TXLNB: variants seen among roughly 807,000 people sequenced by gnomAD.
TXLNB encodes beta-taxilin.
In TXLNB, 37 loss-of-function variants were observed where a neutral mutation model predicts 57.4. That is an observed-to-expected ratio of 0.64 (90% CI 0.50 to 0.85). TXLNB has a LOEUF of 0.85. Ranked by LOEUF, TXLNB falls within the 40% of genes least tolerant of loss-of-function variation. TXLNB has a pLI of 0.00. For missense variants in TXLNB, 848 were observed against 825.6 expected (o/e 1.03, Z -0.33); for synonymous variants, 302 against 309.6 (o/e 0.98, Z 0.26).
At chr6:139,311,283 C>T in the TXLNB span, among the ~76,000 whole-genome samples, 1 of 152,148 alleles carries the variant, frequency 6.6e-6, no homozygotes, top group African/African-American at 2.4e-5. Context: ...AGCAAGTCTG[C>T]TTGCTAAAAG....
the TXLNB span, among the ~76,000 whole-genome samples, chr6:139,308,119 C>T: frequency 6.6e-6 from 1 of 152,134 alleles, no homozygotes; most frequent in Non-Finnish European, 1.5e-5. Context: ...GCTAAATGGA[C>T]ACCTACCTAC....
chr6:139,224,136 G>A, the TXLNB span, among the ~76,000 whole-genome samples: 1 of 150,136 alleles, frequency 6.7e-6, no homozygotes, highest in Non-Finnish European at 1.5e-5. Context: ...ATGAGTTCAT[G>A]TCCTTTGTAG....
At chr6:139,205,644 G>GA in the TXLNB span, among the ~76,000 whole-genome samples, 24 of 146,358 alleles carry the variant, frequency 1.6e-4, no homozygotes, top group East Asian at 5.9e-4. Flanking sequence ...AAAAAGAAAA[G>GA]AAAAAAAAAA....
chr6:139,260,386 C>T lies in TXLNB; in HGVS notation c.934G>A (p.Ala312Thr), dbSNP rs771249358. 1 of 1,614,130 alleles carries T rather than the reference C, an allele frequency of 6.2e-7. No individual in the cohort carries two copies. The highest frequency in any genetic ancestry group is 2.2e-5 in the East Asian group (1 of 44,882). ...HRELQQKLVDAKLEQAQEMMK... is the reference protein window; with the variant it reads ...HRELQQKLVDTKLEQAQEMMK... ...ATTTCTTGGGCCTGCTCAAGCTTTG[C>T]ATCCACCAGCTTCTGCTGCAGTTCT... The change falls in exon 6 of 10, where the codon GCA (alanine) becomes ACA (threonine). Residue 312 changes from alanine (A) to threonine (T), a missense_variant. Coordinates refer to ENST00000358430, the MANE Select transcript of TXLNB (RefSeq NM_153235.4).
chr6:139,255,970 A>G (rs997323431), intron 6 of TXLNB, among the ~76,000 whole-genome samples: 3 of 151,794 alleles, frequency 2.0e-5, no homozygotes. Context: ...CAGTCCCAGC[A>G]ACTCGAGAGG....
the TXLNB span, among the ~76,000 whole-genome samples, chr6:139,323,388 T>G: frequency 0.032 from 4,814 of 150,362 alleles, 192 homozygotes; most frequent in African/African-American, 0.093. Context: ...GTTCAAGCAA[T>G]TCTCCTGCCT....
the TXLNB span, among the ~76,000 whole-genome samples, chr6:139,198,568 A>G: frequency 6.6e-6 from 1 of 151,670 alleles, no homozygotes; most frequent in East Asian, 1.9e-4. Flanking sequence ...TCCCTCCTCT[A>G]CTCTGTCTTC....
At chr6:139,214,113 C>T in the TXLNB span, among the ~76,000 whole-genome samples, 1 of 152,134 alleles carries the variant, frequency 6.6e-6, no homozygotes, top group Non-Finnish European at 1.5e-5. Flanking sequence ...AGGGAATCCT[C>T]CCTAACTCAT....
At chr6:139,165,733 G>C in the TXLNB span, among the ~76,000 whole-genome samples, 127 of 152,210 alleles carry the variant, frequency 8.3e-4, no homozygotes, top group African/African-American at 2.9e-3. Flanking sequence ...TTAAGAATTG[G>C]GTTAGCGGAT....
At chr6:139,246,093 T>A (rs1011744997) in intron 8 of TXLNB, among the ~76,000 whole-genome samples, 9 of 150,598 alleles carry the variant, frequency 6.0e-5, no homozygotes, top group African/African-American at 2.0e-4. Flanking sequence ...CATTTTTTTT[T>A]ATGGTAATTT....
the TXLNB span, chr6:139,166,363 G>A: frequency 2.5e-6 from 4 of 1,614,192 alleles, no homozygotes; most frequent in Non-Finnish European, 2.5e-6. Context: ...AGAAGGTGGT[G>A]TGCAACAACG....
At chr6:139,300,320 A>G in the TXLNB span, among the ~76,000 whole-genome samples, 1 of 152,176 alleles carries the variant, frequency 6.6e-6, no homozygotes, top group African/African-American at 2.4e-5. Context: ...CTCTGTAACA[A>G]TTTGGTGTGG....
At chr6:139,166,569 A>G in the TXLNB span, 1 of 1,614,250 alleles carries the variant, frequency 6.2e-7, no homozygotes, top group South Asian at 1.1e-5. Context: ...GGCCACTTGA[A>G]GAAGGACACA....
the TXLNB span, among the ~76,000 whole-genome samples, chr6:139,208,751 T>G: frequency 6.6e-6 from 1 of 152,200 alleles, no homozygotes; most frequent in Non-Finnish European, 1.5e-5. Flanking sequence ...CCCTTTTTTA[T>G]AAAAACCTTC....
At chr6:139,303,226 A>G in the TXLNB span, among the ~76,000 whole-genome samples, 1,003 of 152,304 alleles carry the variant, frequency 6.6e-3, 35 homozygotes, top group Admixed American at 0.045. Flanking sequence ...AGAGACTTTC[A>G]GTTTAAACCT....
intron 2 of TXLNB, among the ~76,000 whole-genome samples, chr6:139,280,266 A>AAG (rs1044956864): frequency 2.0e-5 from 3 of 146,534 alleles, no homozygotes; most frequent in South Asian, 2.1e-4. Context: ...AAAAAAAAAA[A>AAG]AAAAAAAAAG....
the TXLNB span, chr6:139,166,727 C>T: frequency 5.0e-6 from 8 of 1,611,546 alleles, no homozygotes; most frequent in African/African-American, 6.7e-5. Flanking sequence ...AAGCCACGAC[C>T]TCCCCCGCCG....
At chr6:139,252,977 G>A (rs1776247453) in intron 7 of TXLNB, among the ~76,000 whole-genome samples, 1 of 152,184 alleles carries the variant, frequency 6.6e-6, no homozygotes, top group Admixed American at 6.5e-5. Context: ...GGGCAACAGA[G>A]TGAGACACCG....
At chr6:139,277,888 C>T (rs1012252162) in intron 2 of TXLNB, among the ~76,000 whole-genome samples, 2 of 152,140 alleles carry the variant, frequency 1.3e-5, no homozygotes, top group Non-Finnish European at 1.5e-5. Flanking sequence ...GACAACCTTT[C>T]CCCCAAGAAC....
Sources: allele counts gnomAD v4.1 joint callset (sites outside exome capture counted in the v4.1 genomes callset), GRCh38; gene constraint gnomAD v4.1.1; transcripts MANE v1.5; gene names NCBI Gene and HGNC (gene_info 2026-07-23, HGNC 2026-07-21).